KIAA1549L: variants seen among roughly 807,000 people sequenced by gnomAD.
KIAA1549L encodes the protein UPF0606 protein KIAA1549L.
Under a neutral mutation model 160.7 loss-of-function variants are expected in KIAA1549L, and 88 were observed. The observed-to-expected ratio is 0.55, with a 90% CI of 0.46 to 0.65. The LOEUF (loss-of-function observed/expected upper bound fraction) is 0.65. KIAA1549L is among the 30% of genes least tolerant of loss of function. The probability of loss-of-function intolerance (pLI) is 0.00; values close to 1 mark genes in which losing one functional copy is unlikely to be tolerated. For synonymous variants in KIAA1549L, 950 were observed against 976.7 expected, an observed-to-expected ratio of 0.97 and a Z score of 0.51; for missense variants, 2,258 against 2,437.5, an observed-to-expected ratio of 0.93 and a Z score of 1.55.
At chr11:33,636,734 A>G (rs1172599190) in intron 16 of KIAA1549L, among the ~76,000 whole-genome samples, 1 of 152,238 alleles carries the variant, frequency 6.6e-6, no homozygotes, top group Admixed American at 6.5e-5. Flanking sequence ...TAATTTATAA[A>G]TTAAACTTTA....
intron 1 of KIAA1549L, among the ~76,000 whole-genome samples, chr11:33,505,750 A>T (rs1462957943): frequency 6.6e-6 from 1 of 152,174 alleles, no homozygotes; most frequent in Non-Finnish European, 1.5e-5. Flanking sequence ...CTTCCCTTTG[A>T]TCCTTCGCAC....
intron 1 of KIAA1549L, among the ~76,000 whole-genome samples, chr11:33,530,444 T>A (rs1178969874): frequency 1.3e-3 from 8 of 6,110 alleles, no homozygotes; most frequent in South Asian, 4.1e-3. Context: ...AAAATATATA[T>A]ATATATATAT....
chr11:33,400,456 C>T (rs1850476240), intron 1 of KIAA1549L, among the ~76,000 whole-genome samples: 1 of 152,150 alleles, frequency 6.6e-6, no homozygotes, highest in African/African-American at 2.4e-5. Context: ...GAAATAACAA[C>T]TTCTACTGAG....
intron 1 of KIAA1549L, among the ~76,000 whole-genome samples, chr11:33,394,702 G>A (rs1484150732): frequency 6.6e-6 from 1 of 152,192 alleles, no homozygotes; most frequent in Non-Finnish European, 1.5e-5. Context: ...AATCTACAAT[G>A]GCTTAAAGCC....
intron 1 of KIAA1549L, among the ~76,000 whole-genome samples, chr11:33,473,658 G>GGT (rs1056032100): frequency 2.6e-5 from 4 of 152,112 alleles, no homozygotes; most frequent in African/African-American, 9.7e-5. Context: ...TCCACCATTT[G>GGT]GTCTCATATG....
chr11:33,616,346 C>T lies in KIAA1549L; in HGVS notation c.5280-2187C>T, dbSNP rs902496936. Among the ~76,000 whole-genome samples the T allele has an allele frequency of 3.9e-5, 6 of 152,116 alleles. No individual in the cohort carries two copies. In the East Asian group the frequency reaches 1.2e-3, roughly 29 times the overall value. ...AAGAGAACGCCTCTTTCCTAGTTTC[C>T]CTAGCAAAAGCCCTGAGACTCAGTC... On this transcript the variant is annotated intron_variant, in intron 15 of 20. Coordinates refer to ENST00000658780, the MANE Select transcript of KIAA1549L (RefSeq NM_012194.3).
intron 12 of KIAA1549L, among the ~76,000 whole-genome samples, chr11:33,598,040 G>A (rs1850249269): frequency 6.6e-6 from 1 of 152,184 alleles, no homozygotes; most frequent in South Asian, 2.1e-4. Context: ...CTCTTGGGGG[G>A]CATGGGGTGC....
At chr11:33,606,876 C>T (rs767746125) in intron 14 of KIAA1549L, 54 bp downstream of exon 14, 123 of 1,459,512 alleles carry the variant, frequency 8.4e-5, no homozygotes, top group Non-Finnish European at 4.1e-5. Flanking sequence ...TTGGGAAATT[C>T]GGACGAAGGA....
chr11:33,433,955 G>A (rs1851304100), intron 1 of KIAA1549L, among the ~76,000 whole-genome samples: 1 of 152,092 alleles, frequency 6.6e-6, no homozygotes, highest in Non-Finnish European at 1.5e-5. Flanking sequence ...CAGGGGTGAG[G>A]GGAGGGAACT....
At chr11:33,493,641 A>G (rs1852748862) in intron 1 of KIAA1549L, among the ~76,000 whole-genome samples, 1 of 152,208 alleles carries the variant, frequency 6.6e-6, no homozygotes. Context: ...TGTAGAAATA[A>G]TGATGGAGAA....
At chr11:33,632,794 G>A (rs1851333116) in intron 16 of KIAA1549L, among the ~76,000 whole-genome samples, 1 of 151,796 alleles carries the variant, frequency 6.6e-6, no homozygotes, top group South Asian at 2.1e-4. Flanking sequence ...GTCTCCCTAT[G>A]TTGCCCATAG....
intron 1 of KIAA1549L, among the ~76,000 whole-genome samples, chr11:33,508,267 C>T (rs1336542050): frequency 6.6e-6 from 1 of 152,204 alleles, no homozygotes; most frequent in Non-Finnish European, 1.5e-5. Flanking sequence ...GTTGAGCAAG[C>T]CAGTTGACAT....
chr11:33,500,233 T>G (rs1852913464), intron 1 of KIAA1549L, among the ~76,000 whole-genome samples: 1 of 152,216 alleles, frequency 6.6e-6, no homozygotes, highest in Non-Finnish European at 1.5e-5. Flanking sequence ...AGAGAGAGGT[T>G]AAGTAACTGT....
intron 11 of KIAA1549L, among the ~76,000 whole-genome samples, chr11:33,588,692 T>C (rs1849952144): frequency 6.6e-6 from 1 of 152,188 alleles, no homozygotes. Flanking sequence ...CTGTTTCTTA[T>C]AGGCCAAGGA....
intron 17 of KIAA1549L, among the ~76,000 whole-genome samples, chr11:33,655,012 A>C (rs1053399001): frequency 6.6e-6 from 1 of 152,128 alleles, no homozygotes; most frequent in Non-Finnish European, 1.5e-5. Context: ...CCTCCTTGAG[A>C]GATCTGATGG....
rs1298882613 is a variant in KIAA1549L at position 33,598,691 on chromosome 11, C to G, written c.4752-129C>G. ...GTTTTGTTTTTTTCTTTTTCTGTAT[C>G]GTTTCCTCTTTGTCCATTAAACTGG... On this transcript the variant is annotated intron_variant, in intron 12 of 20. Transcript: ENST00000658780. 11 of 1,146,702 alleles carry G rather than the reference C, an allele frequency of 9.6e-6. No homozygotes were observed. In the East Asian group the frequency reaches 1.0e-4, roughly 10 times the overall value. 71.0% of individuals were successfully genotyped at this position (1,146,702 alleles called of 1,614,324 possible).
chr11:33,470,855 G>C (rs571859704), intron 1 of KIAA1549L, among the ~76,000 whole-genome samples: 3 of 152,198 alleles, frequency 2.0e-5, no homozygotes, highest in Non-Finnish European at 4.4e-5. Context: ...GTGTCCTTGA[G>C]AGAGAAGCTT....
intron 6 of KIAA1549L, among the ~76,000 whole-genome samples, chr11:33,552,693 CACACACACACAT>C (rs199908855): frequency 0.16 from 23,457 of 148,072 alleles, 2,336 homozygotes; most frequent in East Asian, 0.31. Context: ...CACACACACA[CACACACACACAT>C]GCGTTTTATA....
chr11:33,435,781 T>TAC (rs1851345539), intron 1 of KIAA1549L, among the ~76,000 whole-genome samples: 1 of 11,254 alleles, frequency 8.9e-5, no homozygotes, highest in Non-Finnish European at 1.4e-4. Flanking sequence ...TATATATATA[T>TAC]ATATATATAT....
Sources: gnomAD v4.1 joint callset for allele counts (sites outside exome capture counted in the v4.1 genomes callset) on GRCh38, gnomAD v4.1.1 for gene constraint, MANE v1.5 for transcripts, NCBI Gene and HGNC (gene_info 2026-07-23, HGNC 2026-07-21) for gene names.